Variants in GPHN observed in about 807,000 individuals in gnomAD.
The protein encoded by GPHN is gephyrin.
GPHN carries 17 observed loss-of-function variants against 95.5 expected under a neutral mutation model. The observed-to-expected ratio is 0.18, with a 90% confidence interval of 0.12 to 0.27. The LOEUF (loss-of-function observed/expected upper bound fraction) is 0.27. Ranked by LOEUF, GPHN falls within the 10% of genes least tolerant of loss-of-function variation. The pLI is 1.00. For missense variants in GPHN, 660 were observed against 978.1 expected (o/e 0.67, Z 4.34); for synonymous variants, 320 against 322.5 (o/e 0.99, Z 0.08).
At chr14:67,249,712 G>A in the GPHN span, among the ~76,000 whole-genome samples, 15 of 152,272 alleles carry the variant, frequency 9.9e-5, no homozygotes, top group Middle Eastern at 3.4e-3. Flanking sequence ...AAAAGTTGAG[G>A]ATTTTGTGTG....
chr14:66,852,392 C>T (rs751340656), intron 4 of GPHN, among the ~76,000 whole-genome samples: 2 of 152,212 alleles, frequency 1.3e-5, no homozygotes, highest in South Asian at 2.1e-4. Context: ...TGTGTGTGTG[C>T]GTGCGCGTGC....
the GPHN span, among the ~76,000 whole-genome samples, chr14:67,664,498 A>ATTTT: frequency 2.0e-5 from 3 of 147,134 alleles, no homozygotes; most frequent in Non-Finnish European, 3.0e-5. Context: ...CTAAAGAGCA[A>ATTTT]TTTTTTTTTT....
chr14:67,518,785 G>A, the GPHN span, among the ~76,000 whole-genome samples: 1 of 152,212 alleles, frequency 6.6e-6, no homozygotes, highest in African/African-American at 2.4e-5. Flanking sequence ...CCCAGGGGCT[G>A]CCCTCTGACC....
chr14:66,971,015 G>C (rs554763822), intron 9 of GPHN, among the ~76,000 whole-genome samples: 1 of 152,200 alleles, frequency 6.6e-6, no homozygotes, highest in Admixed American at 6.5e-5. Flanking sequence ...GTTTATGTGG[G>C]TTATATCTAA....
the GPHN span, chr14:67,578,255 T>G: frequency 2.8e-5 from 42 of 1,487,850 alleles, no homozygotes; most frequent in Non-Finnish European, 3.7e-5. The surrounding 1 kb of genome is among the most constrained non-coding windows in gnomAD (Gnocchi z 5.0). Flanking sequence ...GGCTGCCAGG[T>G]GGGAAAGGTG....
the GPHN span, among the ~76,000 whole-genome samples, chr14:67,341,652 C>T: frequency 7.2e-5 from 11 of 152,234 alleles, no homozygotes; most frequent in Non-Finnish European, 1.3e-4. Context: ...TGAGGAGCCC[C>T]TCTGCCCGGC....
intron 18 of GPHN, among the ~76,000 whole-genome samples, chr14:67,146,101 G>A (rs2080880584): frequency 6.6e-6 from 1 of 152,192 alleles, no homozygotes; most frequent in Admixed American, 6.5e-5. Flanking sequence ...ACTAAGATCA[G>A]GTAGAGGCTG....
chr14:67,546,238 A>G, the GPHN span, among the ~76,000 whole-genome samples: 1 of 152,230 alleles, frequency 6.6e-6, no homozygotes, highest in Admixed American at 6.5e-5. Flanking sequence ...CAGGGCTTCA[A>G]CTATATCTGT....
the GPHN span, among the ~76,000 whole-genome samples, chr14:67,206,516 A>C: frequency 6.6e-6 from 1 of 152,206 alleles, no homozygotes; most frequent in African/African-American, 2.4e-5. Context: ...CAAACAAACA[A>C]AAAAACCTAA....
intron 16 of GPHN, among the ~76,000 whole-genome samples, chr14:67,115,443 T>G: frequency 6.6e-6 from 1 of 152,146 alleles, no homozygotes; most frequent in East Asian, 1.9e-4. Flanking sequence ...TTGATACATA[T>G]GGTTTCAGGC....
At chr14:67,070,523 G>A (rs947889555) in intron 11 of GPHN, among the ~76,000 whole-genome samples, 26 of 148,692 alleles carry the variant, frequency 1.7e-4, no homozygotes, top group Non-Finnish European at 2.7e-4. Context: ...TGGTGAAACC[G>A]CGTCTCTACT....
intron 10 of GPHN, among the ~76,000 whole-genome samples, chr14:67,045,787 C>G (rs992838057): frequency 6.6e-6 from 1 of 151,950 alleles, no homozygotes; most frequent in Non-Finnish European, 1.5e-5. Flanking sequence ...GTCTCTCTCT[C>G]TGTGCATCTG....
At chr14:66,508,893 C>T (rs2057906955) in intron 1 of GPHN, among the ~76,000 whole-genome samples, 1 of 152,136 alleles carries the variant, frequency 6.6e-6, no homozygotes, top group African/African-American at 2.4e-5. Context: ...CTGCGGGGCT[C>T]CGCGCTGTCG....
chr14:67,036,321 A>G (rs79321016), intron 10 of GPHN, among the ~76,000 whole-genome samples: 2,822 of 151,890 alleles, frequency 0.019, 38 homozygotes, highest in African/African-American at 0.026. Context: ...GAACAAAGCA[A>G]AGATGCTCAT....
intron 4 of GPHN, among the ~76,000 whole-genome samples, chr14:66,872,501 A>C (rs1363034301): frequency 6.6e-6 from 1 of 152,180 alleles, no homozygotes; most frequent in Non-Finnish European, 1.5e-5. Flanking sequence ...TGACCCTTCA[A>C]AAATGAAATT....
At chr14:66,814,550 C>G (rs2060890463) in intron 3 of GPHN, among the ~76,000 whole-genome samples, 2 of 152,176 alleles carry the variant, frequency 1.3e-5, no homozygotes, top group African/African-American at 4.8e-5. Flanking sequence ...GAGCATTGGC[C>G]TCCTAAAATG....
At chr14:67,525,212 A>C in the GPHN span, among the ~76,000 whole-genome samples, 1 of 152,130 alleles carries the variant, frequency 6.6e-6, no homozygotes, top group African/African-American at 2.4e-5. Context: ...AAATAATTCT[A>C]CCCATATTTA....
At chr14:67,678,101 T>TTA in the GPHN span, 98 of 482,332 alleles carry the variant, frequency 2.0e-4, no homozygotes, top group Middle Eastern at 1.2e-3. Flanking sequence ...ATATCTCTAG[T>TTA]AACTCTGGCA....
the GPHN span, among the ~76,000 whole-genome samples, chr14:67,520,452 C>A: frequency 1.3e-5 from 2 of 152,246 alleles, no homozygotes; most frequent in African/African-American, 4.8e-5. Context: ...CCTTTTCAAA[C>A]TAACTTCTTT....
Sources: gnomAD v4.1 joint callset for allele counts (sites outside exome capture counted in the v4.1 genomes callset) on GRCh38, gnomAD v4.1.1 for gene constraint, Gnocchi (gnomAD v3.1) non-coding constraint, MANE v1.5 for transcripts, NCBI Gene and HGNC (gene_info 2026-07-23, HGNC 2026-07-21) for gene names.